DYRK4: variants seen among roughly 807,000 people sequenced by gnomAD.
DYRK4 encodes the protein dual specificity tyrosine-phosphorylation-regulated kinase 4.
In DYRK4, 64 loss-of-function variants were observed where a neutral mutation model predicts 68.3. The observed-to-expected ratio is 0.94, with a 90% confidence interval of 0.77 to 1.15. The LOEUF is 1.15. DYRK4 is among the 50% of genes most tolerant of loss of function. The pLI, the probability that DYRK4 is intolerant of heterozygous loss-of-function variation, is 0.00. For missense variants in DYRK4, 740 were observed against 764.7 expected (o/e 0.97, Z 0.38); for synonymous variants, 274 against 289.9 (o/e 0.95, Z 0.56).
chr12:4,583,319 G>A (rs1372213859), intron 2 of DYRK4, among the ~76,000 whole-genome samples: 1 of 151,578 alleles, frequency 6.6e-6, no homozygotes, highest in Non-Finnish European at 1.5e-5. Context: ...CAGCACTTTT[G>A]CTCCTGCTCT....
intron 6 of DYRK4, 82 bp from the exon 7 acceptor site, chr12:4,596,067 G>A: frequency 6.8e-7 from 1 of 1,477,248 alleles, no homozygotes; most frequent in Non-Finnish European, 9.3e-7. Context: ...CCATAATCTG[G>A]GGATGGGAAT....
Position 4,605,101 on chromosome 12 carries a change from G to A in DYRK4, c.1299+15G>A. On this transcript the variant is annotated intron_variant, in intron 11 of 14. Coordinates refer to ENST00000543431, the MANE Select transcript of DYRK4 (RefSeq NM_001394779.1). Reference sequence around the variant, plus strand: ...GCATCATGGAGGTACGCGGAGGGCTGGCGGTCGGCTCCCACGGAGACCGTG... The same window carrying A: ...GCATCATGGAGGTACGCGGAGGGCTAGCGGTCGGCTCCCACGGAGACCGTG... 1 of 1,607,480 alleles carries A rather than the reference G, an allele frequency of 6.2e-7. No individual in the cohort carries two copies. The highest frequency in any genetic ancestry group is 8.5e-7 in the Non-Finnish European group (1 of 1,176,250).
chr12:4,574,329 G>C (rs10774242), intron 2 of DYRK4, among the ~76,000 whole-genome samples: 80,401 of 151,452 alleles, frequency 0.53, 21,805 homozygotes, highest in African/African-American at 0.61. Flanking sequence ...CTACTCTCTT[G>C]AGTTTTACAT....
In DYRK4 at chr12:4,610,095, A is replaced by G; in HGVS notation, c.1361-60A>G. Reference sequence around the variant, plus strand: ...TACAGAGGCCACTCTAAGCAGCAGCATCATGTGACCACTAAAGATTTACAC... The same window carrying G: ...TACAGAGGCCACTCTAAGCAGCAGCGTCATGTGACCACTAAAGATTTACAC... On this transcript the variant is annotated intron_variant, in intron 12 of 14. Coordinates refer to ENST00000543431, the MANE Select transcript of DYRK4 (RefSeq NM_001394779.1). 6.1e-6 allele frequency: 9 copies of G among 1,485,756 alleles called. No individual in the cohort carries two copies. In the South Asian group the frequency reaches 8.4e-5, roughly 14 times the overall value. The allele number at this position is 1,485,756 out of a possible 1,614,324, so 92.0% of individuals were successfully genotyped here.
intron 2 of DYRK4, chr12:4,573,129 C>A (rs1004064061): frequency 2.3e-5 from 9 of 387,458 alleles, no homozygotes; most frequent in African/African-American, 1.7e-4. Context: ...CTGTTAAATG[C>A]AAATGGAAGA....
At chr12:4,568,461 C>T (rs2137319184) in intron 2 of DYRK4, among the ~76,000 whole-genome samples, 2 of 152,102 alleles carry the variant, frequency 1.3e-5, no homozygotes, top group Middle Eastern at 3.4e-3. Context: ...TCTCAGCTCA[C>T]TGCAACCTCC....
chr12:4,590,293 A>C, intron 3 of DYRK4, 37 bp from the exon 4 acceptor site: 1 of 1,517,326 alleles, frequency 6.6e-7, no homozygotes, highest in Middle Eastern at 1.7e-4. Context: ...TTTCTTGCCT[A>C]AGGCTTTTGT....
chr12:4,576,560 G>A (rs768259376), intron 2 of DYRK4, among the ~76,000 whole-genome samples: 3 of 152,166 alleles, frequency 2.0e-5, no homozygotes, highest in Non-Finnish European at 2.9e-5. Context: ...TGTATGTTAA[G>A]GCTATATTTA....
intron 2 of DYRK4, among the ~76,000 whole-genome samples, chr12:4,583,869 C>T (rs907138266): frequency 2.0e-5 from 3 of 152,186 alleles, no homozygotes; most frequent in African/African-American, 7.2e-5. Flanking sequence ...GGCTCTGGAG[C>T]TGGTCCCAGC....
intron 10 of DYRK4, among the ~76,000 whole-genome samples, chr12:4,601,243 A>T (rs1189464385): frequency 6.6e-6 from 1 of 152,210 alleles, no homozygotes; most frequent in Non-Finnish European, 1.5e-5. Flanking sequence ...TTAGCCATTC[A>T]CTCTCACACA....
At chr12:4,590,461 C>T (rs1944941582) in intron 4 of DYRK4, 21 bp downstream of exon 4, 1 of 1,533,216 alleles carries the variant, frequency 6.5e-7, no homozygotes, top group Non-Finnish European at 8.7e-7. Context: ...ACGGACTGGA[C>T]CCTGAGAAGG....
chr12:4,599,599 G>A (rs1190241416), intron 9 of DYRK4, 108 bp from the exon 10 acceptor site: 1 of 742,854 alleles, frequency 1.3e-6, no homozygotes, highest in Non-Finnish European at 2.3e-6. Context: ...GATGCCCATG[G>A]AGGTGGTCAT....
At chr12:4,581,576 G>A (rs947415977) in intron 2 of DYRK4, among the ~76,000 whole-genome samples, 32 of 152,152 alleles carry the variant, frequency 2.1e-4, no homozygotes, top group African/African-American at 7.5e-4. Flanking sequence ...TTTCCTGGTG[G>A]GAATAGAAGC....
rs751261732 is a variant in DYRK4 at position 4,590,363 on chromosome 12, A to G, written c.247A>G (p.Thr83Ala). The G allele has an allele frequency of 2.6e-6, 4 of 1,535,874 alleles. No individual in the cohort carries two copies. The East Asian group carries it at 9.8e-5, about 38-fold the overall frequency. The change falls in exon 4 of 15, where the codon ACC becomes GCC. Residue 83 changes from threonine (T) to alanine (A), a missense_variant. Around this residue, in one of 3 missense-constraint regions of DYRK4, gnomAD observed 56 missense variants for 89.9 expected, o/e 0.62. Transcript: ENST00000543431. The part of the protein sequence containing the change: ...TSVTSLPFVD[T>A]KGKKNTVSFP... ...TGTTACTTCACTCCCCTTTGTGGAC[A>G]CCAAGGGGAAGAAGAATACGGTAAG...
At chr12:4,605,161 C>T in intron 11 of DYRK4, 75 bp downstream of exon 11, 3 of 1,361,806 alleles carry the variant, frequency 2.2e-6, no homozygotes, top group South Asian at 2.7e-5. Context: ...GCACCAGACT[C>T]GCCCAGGACC....
chr12:4,567,157 T>C (rs1944685274), intron 1 of DYRK4, among the ~76,000 whole-genome samples: 1 of 152,266 alleles, frequency 6.6e-6, no homozygotes, highest in Admixed American at 6.5e-5. Flanking sequence ...ATCCTCTGAA[T>C]ACTTTCAAAG....
At chr12:4,577,251 T>C (rs1336785401) in intron 2 of DYRK4, among the ~76,000 whole-genome samples, 1 of 152,214 alleles carries the variant, frequency 6.6e-6, no homozygotes, top group Non-Finnish European at 1.5e-5. Flanking sequence ...TTTTTGTTTG[T>C]TTTTAATAAG....
rs371238100 is a variant in DYRK4 at position 4,584,401 on chromosome 12, T to A, written c.133-4536T>A. Among the ~76,000 whole-genome samples, 100 of 152,284 alleles carry A rather than the reference T, an allele frequency of 6.6e-4. 1 individual carries two copies. In the South Asian group the frequency reaches 0.02, roughly 31 times the overall value. ...AGGCAGGTGTTGCCGGAAGAATCTT[T>A]GAGGCAAGAAGAAGAGCAGGATCAC... On this transcript the variant is annotated intron_variant, in intron 2 of 14. Transcript: ENST00000543431.
intron 2 of DYRK4, among the ~76,000 whole-genome samples, chr12:4,572,150 T>C (rs1944736240): frequency 6.6e-6 from 1 of 152,222 alleles, no homozygotes; most frequent in Admixed American, 6.5e-5. Flanking sequence ...TGGTAATGAC[T>C]CACCTTCATT....
Sources: allele counts gnomAD v4.1 joint callset (sites outside exome capture counted in the v4.1 genomes callset), GRCh38; gene constraint gnomAD v4.1.1; regional missense constraint gnomAD v4.1.1; transcripts MANE v1.5; gene names NCBI Gene and HGNC (gene_info 2026-07-23, HGNC 2026-07-21).